Variants in SLC28A2 observed in about 807,000 individuals in gnomAD.
SLC28A2 encodes solute carrier family 28 member 2.
Under a neutral mutation model 72.9 loss-of-function variants are expected in SLC28A2, and 69 were observed. The ratio of observed to expected loss-of-function variants is 0.95; its 90% CI spans 0.78 to 1.16. The LOEUF is 1.16. Ranked by LOEUF, SLC28A2 falls within the 50% of genes most tolerant of loss-of-function variation. The pLI is 0.00. For missense variants in SLC28A2, 745 were observed against 791.1 expected, an observed-to-expected ratio of 0.94 and a Z score of 0.70; for synonymous variants, 296 against 294.1, an observed-to-expected ratio of 1.01 and a Z score of -0.07.
At position 45,264,712 on chromosome 15, in the gene SLC28A2, G is replaced by C; in HGVS notation, c.646G>C (p.Val216Leu). ...TCTTCAATTTGTCTTTGGGATCTTGGTCATCAGAACTGATCTTGGATATAC... is the reference window on the plus strand; with the variant it reads ...TCTTCAATTTGTCTTTGGGATCTTGCTCATCAGAACTGATCTTGGATATAC... ...LGLQFVFGIL[V>L]IRTDLGYTVF... is the part of the protein sequence containing the mutation. Residue 216 changes from valine (V) to leucine (L), a missense_variant, in exon 7 of 18, where the codon GTC (valine) becomes CTC (leucine). Coordinates refer to ENST00000347644, the MANE Select transcript of SLC28A2 (RefSeq NM_004212.4). 1 of 1,614,008 alleles carries C rather than the reference G, an allele frequency of 6.2e-7. No individual in the cohort carries two copies.
chr15:45,253,681 A>T lies in SLC28A2; in HGVS notation c.170+161A>T, dbSNP rs1026347458. ...AACTTAAACATGTGCCATAAACTCC[A>T]TAAAAAAAAAGGAGTTCAGCAGTAT... On this transcript the variant is annotated intron_variant, in intron 3 of 17. Transcript: ENST00000347644. 9.3e-6 allele frequency: 5 copies of T among 537,200 alleles called. No individual in the cohort carries two copies. The Admixed American group carries it at 1.7e-4, about 18-fold the overall frequency. 33.3% of individuals were successfully genotyped at this position (537,200 alleles called of 1,614,324 possible).
chr15:45,272,840 T>C, intron 17 of SLC28A2, 56 bp downstream of exon 17: 1 of 908,648 alleles, frequency 1.1e-6, no homozygotes, highest in Non-Finnish European at 1.8e-6. Flanking sequence ...GTCTCCACGG[T>C]AATGCTGTTG....
intron 3 of SLC28A2, among the ~76,000 whole-genome samples, chr15:45,254,189 C>G (rs770926754): frequency 6.6e-5 from 10 of 151,764 alleles, no homozygotes; most frequent in Non-Finnish European, 1.3e-4. Flanking sequence ...GTCTGGAAAA[C>G]AGTGGGTATT....
chr15:45,268,625 T>C (rs924701051), intron 13 of SLC28A2, among the ~76,000 whole-genome samples: 1 of 152,174 alleles, frequency 6.6e-6, no homozygotes, highest in African/African-American at 2.4e-5. Context: ...CTCAGGGATC[T>C]AGAACTAGAA....
intron 1 of SLC28A2, among the ~76,000 whole-genome samples, chr15:45,252,783 CCT>C (rs1331623716): frequency 1.3e-5 from 2 of 152,180 alleles, no homozygotes; most frequent in Non-Finnish European, 2.9e-5. Context: ...CAACTGCCTT[CCT>C]CCCTGTTTCC....
At position 45,264,020 on chromosome 15, in the gene SLC28A2, G is replaced by A. The variant is rs371217234; in HGVS notation, c.586G>A (p.Ala196Thr). Residue 196 changes from alanine to threonine, a missense_variant and splice_region_variant, in exon 6 of 18, where the codon GCA becomes ACA. Transcript: ENST00000347644. ...CTTTGCCTGCTCCAAACACCACAGC[G>A]CAGTGAGTTTTGGGTATTTGGGTTG... ...ILFACSKHHS[A>T]VSWRTVFSGL... 5.3e-5 allele frequency: 86 copies of A among 1,609,572 alleles called. No individual in the cohort carries two copies. The highest frequency in any genetic ancestry group is 4.5e-4 in the South Asian group (40 of 89,656).
intron 16 of SLC28A2, 86 bp from the exon 17 acceptor site, chr15:45,272,587 T>C: frequency 1.1e-6 from 1 of 882,496 alleles, no homozygotes; most frequent in South Asian, 1.4e-5. Context: ...TAATCAAGAG[T>C]GTCCACAATT....
In SLC28A2 at chr15:45,269,430, G is replaced by C; in HGVS notation, c.1461G>C (p.Lys487Asn). 1 of 1,614,108 alleles carries C rather than the reference G, an allele frequency of 6.2e-7. No homozygotes were observed. The highest frequency in any genetic ancestry group is 8.5e-7 in the Non-Finnish European group (1 of 1,179,976). ...CPMVAEMVGIKFFINEFVAYQ... is the reference protein window; with the variant it reads ...CPMVAEMVGINFFINEFVAYQ... ...TGGTGGCTGAGATGGTGGGAATCAA[G>C]TTCTTCATAAATGAGTTTGTGGCTT... Residue 487 changes from lysine (K) to asparagine (N), a missense_variant, in exon 14 of 18, where the codon AAG becomes AAC. Coordinates refer to ENST00000347644, the MANE Select transcript of SLC28A2 (RefSeq NM_004212.4).
intron 17 of SLC28A2, among the ~76,000 whole-genome samples, chr15:45,275,008 G>GT (rs370032024): frequency 1.3e-5 from 2 of 152,162 alleles, no homozygotes; most frequent in African/African-American, 4.8e-5. Context: ...GAAAGACAAC[G>GT]TTTTTGTCCA....
chr15:45,261,402 G>A (rs1900156713), intron 3 of SLC28A2, among the ~76,000 whole-genome samples: 1 of 152,132 alleles, frequency 6.6e-6, no homozygotes, highest in African/African-American at 2.4e-5. Context: ...CAGCTCCAGG[G>A]GTCTTAAGAG....
Position 45,269,440 on chromosome 15 carries a change from A to G in SLC28A2, c.1471A>G (p.Asn491Asp). 6.2e-7 allele frequency: 1 copy of G among 1,614,164 alleles called. No individual in the cohort carries two copies. Among genetic ancestry groups the G allele is most frequent in the Middle Eastern group, 1.6e-4 (1 of 6,062 alleles). The change falls in exon 14 of 18, where the codon AAT becomes GAT. Residue 491 changes from asparagine to aspartate, a missense_variant. Asn to Asp is a conservative substitution (Grantham distance 23). Transcript: ENST00000347644. ...AEMVGIKFFI[N>D]EFVAYQQLSQ... The stretch of plus-strand genomic sequence containing the variant: ...GATGGTGGGAATCAAGTTCTTCATA[A>G]ATGAGTTTGTGGCTTATCAGCAACT...
At chr15:45,267,982 CT>C (rs1481737757) in intron 12 of SLC28A2, among the ~76,000 whole-genome samples, 186 bp downstream of exon 12, 4 of 152,308 alleles carry the variant, frequency 2.6e-5, no homozygotes, top group Middle Eastern at 3.4e-3. Flanking sequence ...GCACTAGCTT[CT>C]GCATGCCAGT....
rs534544672 is a variant in SLC28A2, at chr15:45,277,092, C to G, written c.*1579C>G. The G allele has an allele frequency of 1.3e-5, 2 of 152,024 alleles. No homozygotes were observed. Among genetic ancestry groups the G allele is most frequent in the Admixed American group, 6.6e-5 (1 of 15,250 alleles). The allele number at this position is 152,024 out of a possible 1,614,324, so 9.4% of individuals were successfully genotyped here. On this transcript the variant is annotated 3_prime_UTR_variant, in exon 18 of 18. Coordinates refer to ENST00000347644, the MANE Select transcript of SLC28A2 (RefSeq NM_004212.4). The stretch of plus-strand genomic sequence containing the variant: ...ATCTAGTGAGTAGAGGCCAATATTG[C>G]TACTAAAATTCCTATAACCAAAGGT...
chr15:45,268,744 T>C (rs1181310893), intron 13 of SLC28A2, among the ~76,000 whole-genome samples: 1 of 152,044 alleles, frequency 6.6e-6, no homozygotes, highest in East Asian at 1.9e-4. Context: ...ACTATTCACA[T>C]TAGCAAAGAC....
intron 15 of SLC28A2, 67 bp downstream of exon 15, chr15:45,270,343 C>T (rs1900508757): frequency 9.6e-7 from 1 of 1,040,370 alleles, no homozygotes; most frequent in Non-Finnish European, 1.5e-6. Context: ...AGTGGGCAGT[C>T]CTGGTGCTTC....
Position 45,262,007 on chromosome 15 carries a change from CT to C in SLC28A2, c.171-6del. ...ATTCTTGTATCTTAACTTTTGGGTTCTTATTAGGAGGAGTCGGTGGCCTTTC... is the reference window on the plus strand; with the variant it reads ...ATTCTTGTATCTTAACTTTTGGGTTCTATTAGGAGGAGTCGGTGGCCTTTC... On this transcript the variant is annotated splice_region_variant and splice_polypyrimidine_tract_variant and intron_variant, in intron 3 of 17. Coordinates refer to ENST00000347644, the MANE Select transcript of SLC28A2 (RefSeq NM_004212.4). 1 of 1,597,434 alleles carries C rather than the reference CT, an allele frequency of 6.3e-7. No homozygotes were observed. The highest frequency in any genetic ancestry group is 8.6e-7 in the Non-Finnish European group (1 of 1,165,086).
chr15:45,271,454 A>G (rs1439965691), intron 15 of SLC28A2, among the ~76,000 whole-genome samples: 1 of 151,964 alleles, frequency 6.6e-6, no homozygotes, highest in East Asian at 1.9e-4. Flanking sequence ...AGTCCTATCT[A>G]CTCGGGAGGC....
At position 45,264,681 on chromosome 15, in the gene SLC28A2, C is replaced by T. The variant is rs1900274567; in HGVS notation, c.615C>T (p.Gly205=). The part of the protein sequence containing the change: ...SAVSWRTVFS[G]LGLQFVFGIL... ...TGTCCTGGAGGACAGTGTTTTCGGG[C>T]CTAGGTCTTCAATTTGTCTTTGGGA... Residue 205 remains glycine (G), a synonymous_variant, in exon 7 of 18, where the codon GGC becomes GGT. Transcript: ENST00000347644. 6.2e-7 allele frequency: 1 copy of T among 1,612,962 alleles called. No homozygotes were observed. Among genetic ancestry groups the T allele is most frequent in the Admixed American group, 1.7e-5 (1 of 60,008 alleles).
In SLC28A2 at chr15:45,264,637, T is replaced by C. The variant is rs1900271906; in HGVS notation, c.589-18T>C. The C allele has an allele frequency of 6.6e-7, 1 of 1,511,486 alleles. No individual in the cohort carries two copies. The highest frequency in any genetic ancestry group is 9.2e-7 in the Non-Finnish European group (1 of 1,086,680). 93.6% of individuals were successfully genotyped at this position (1,511,486 alleles called of 1,614,324 possible). A position where few individuals can be genotyped will look rare whatever the true frequency, so the allele number is the denominator to read the frequency against. On this transcript the variant is annotated intron_variant, in intron 6 of 17. Coordinates refer to ENST00000347644, the MANE Select transcript of SLC28A2 (RefSeq NM_004212.4). ...ACTAGCAGAACTCACATTGAAATAA[T>C]ATTCTTATTGATCCTAGGTGTCCTG...
Sources: allele counts gnomAD v4.1 joint callset (sites outside exome capture counted in the v4.1 genomes callset), GRCh38; gene constraint gnomAD v4.1.1; transcripts MANE v1.5; gene names NCBI Gene and HGNC (gene_info 2026-07-23, HGNC 2026-07-21).